NHS: variants seen among roughly 807,000 people sequenced by gnomAD.
The protein encoded by NHS is actin remodeling regulator NHS.
In NHS, 5 loss-of-function variants were observed where a neutral mutation model predicts 72.5. That is an observed-to-expected ratio of 0.07 (90% CI 0.04 to 0.14). The LOEUF (loss-of-function observed/expected upper bound fraction) is 0.14. Ranked by LOEUF, NHS falls within the 10% of genes least tolerant of loss-of-function variation. The pLI is 1.00. For synonymous variants in NHS, 464 were observed against 547.7 expected (o/e 0.85, Z 2.13); for missense variants, 1,072 against 1,355.7 (o/e 0.79, Z 3.29).
intron 1 of NHS, among the ~76,000 whole-genome samples, chrX:17,398,620 T>C (rs1440714277): frequency 1.8e-5 from 2 of 112,381 alleles, no homozygotes; most frequent in African/African-American, 6.5e-5. Context: ...CTTGTTCTTG[T>C]CTGTGATGAG....
chrX:17,569,888 A>T (rs998386445), intron 1 of NHS, among the ~76,000 whole-genome samples: 1 of 112,013 alleles, frequency 8.9e-6, no homozygotes, highest in Non-Finnish European at 1.9e-5. Flanking sequence ...TCTGCATATG[A>T]CTAGCCAGTT....
At chrX:17,690,049 G>A (rs1354742931) in intron 2 of NHS, among the ~76,000 whole-genome samples, 1 of 111,398 alleles carries the variant, frequency 9.0e-6, no homozygotes, top group Non-Finnish European at 1.9e-5. Context: ...CTGGGGTTTG[G>A]AAGGAAGACT....
At chrX:17,603,365 T>C (rs1311647398) in intron 1 of NHS, among the ~76,000 whole-genome samples, 1 of 112,461 alleles carries the variant, frequency 8.9e-6, no homozygotes, top group African/African-American at 3.2e-5. Flanking sequence ...TAAACTACTT[T>C]CCTTCTTTCT....
intron 1 of NHS, among the ~76,000 whole-genome samples, chrX:17,469,438 G>T (rs1423962254): frequency 1.8e-5 from 2 of 111,513 alleles, no homozygotes; most frequent in Admixed American, 9.5e-5. Flanking sequence ...TTCAGGACTG[G>T]AGGAGGCCCC....
intron 3 of NHS, among the ~76,000 whole-genome samples, chrX:17,701,808 A>G (rs1207817098): frequency 9.0e-6 from 1 of 111,188 alleles, no homozygotes; most frequent in Non-Finnish European, 1.9e-5. Flanking sequence ...AGAGAGTCTC[A>G]GGTTATGCTC....
chrX:17,397,489 T>C (rs1245347672), intron 1 of NHS, among the ~76,000 whole-genome samples: 1 of 110,773 alleles, frequency 9.0e-6, no homozygotes, highest in Admixed American at 9.6e-5. Flanking sequence ...AGGGAAAGAG[T>C]ATGGAGAGAG....
At chrX:17,506,060 T>TTC (rs2065056059) in intron 1 of NHS, among the ~76,000 whole-genome samples, 3 of 112,126 alleles carry the variant, frequency 2.7e-5, no homozygotes, top group Non-Finnish European at 3.8e-5. Flanking sequence ...AATCCTCACT[T>TTC]TGTGGATCCC....
At chrX:17,564,941 C>T (rs191719609) in intron 1 of NHS, among the ~76,000 whole-genome samples, 76 of 111,034 alleles carry the variant, frequency 6.8e-4, no homozygotes, top group African/African-American at 2.4e-3. Flanking sequence ...ATTTCTTTCT[C>T]ATCCTGTGGC....
intron 1 of NHS, among the ~76,000 whole-genome samples, chrX:17,666,066 A>G (rs2066011227): frequency 1.8e-5 from 2 of 111,710 alleles, no homozygotes; most frequent in Admixed American, 9.5e-5. Context: ...TGGGATTACC[A>G]ATGGTGTGGG....
At chrX:17,508,306 CTG>C (rs1041394032) in intron 1 of NHS, among the ~76,000 whole-genome samples, 4 of 110,607 alleles carry the variant, frequency 3.6e-5, no homozygotes, top group African/African-American at 1.3e-4. Flanking sequence ...TTTCATATAA[CTG>C]GAATCATACA....
chrX:17,682,459 G>A (rs1029019948), intron 1 of NHS, among the ~76,000 whole-genome samples: 3 of 111,845 alleles, frequency 2.7e-5, no homozygotes, highest in African/African-American at 9.8e-5. Context: ...ATGTGTTGGG[G>A]GTGGCTGTGG....
chrX:17,680,670 C>A (rs2066122206), intron 1 of NHS, among the ~76,000 whole-genome samples: 1 of 111,489 alleles, frequency 9.0e-6, no homozygotes, highest in East Asian at 2.8e-4. Flanking sequence ...GCAGAACGTG[C>A]AGTTTTAAAA....
intron 1 of NHS, among the ~76,000 whole-genome samples, chrX:17,581,216 G>T (rs1270789753): frequency 1.8e-5 from 2 of 111,899 alleles, no homozygotes; most frequent in South Asian, 7.6e-4. Flanking sequence ...ACAGGGCTCA[G>T]GTTAATTCTG....
chrX:17,543,580 A>C (rs2065275532), intron 1 of NHS, among the ~76,000 whole-genome samples: 1 of 112,367 alleles, frequency 8.9e-6, no homozygotes, highest in Non-Finnish European at 1.9e-5. Flanking sequence ...TCTCTTGTAC[A>C]GAGGTCATGC....
intron 1 of NHS, among the ~76,000 whole-genome samples, chrX:17,478,512 C>T (rs2064931325): frequency 9.0e-6 from 1 of 111,729 alleles, no homozygotes; most frequent in African/African-American, 3.3e-5. Context: ...TGCTCTTTTA[C>T]TAGTGTAGTT....
At chrX:17,595,211 G>A (rs1029519807) in intron 1 of NHS, among the ~76,000 whole-genome samples, 4 of 111,770 alleles carry the variant, frequency 3.6e-5, no homozygotes, top group African/African-American at 1.3e-4. Context: ...TAGCTCACCT[G>A]CAAGCTCATT....
chrX:17,604,028 A>G (rs765294848), intron 1 of NHS, among the ~76,000 whole-genome samples: 1 of 111,241 alleles, frequency 9.0e-6, no homozygotes, highest in Admixed American at 9.7e-5. Context: ...CTCATAATAA[A>G]ATATTATTAA....
chrX:17,655,067 A>G lies in NHS; in HGVS notation c.566-32675A>G, dbSNP rs779612495. ...TGTGTCTAGGATGCGAGGTTTCAGC[A>G]TCCGGAGATGAATGGGGGGAGGGGA... On this transcript the variant is annotated intron_variant, in intron 1 of 8. Coordinates refer to ENST00000676302, the MANE Select transcript of NHS (RefSeq NM_001291867.2). Among the ~76,000 whole-genome samples the G allele has an allele frequency of 1.7e-3, 195 of 112,116 alleles. 1 individual carries two copies. Among genetic ancestry groups the G allele is most frequent in the Middle Eastern group, 0.014 (3 of 218 alleles).
chrX:17,691,287 T>TA (rs1461947913), intron 2 of NHS, among the ~76,000 whole-genome samples: 1 of 112,318 alleles, frequency 8.9e-6, no homozygotes, highest in East Asian at 2.8e-4. Flanking sequence ...GTTACCCATT[T>TA]AGAAAAGCCC....
Sources: allele counts gnomAD v4.1 joint callset (sites outside exome capture counted in the v4.1 genomes callset), GRCh38; gene constraint gnomAD v4.1.1; transcripts MANE v1.5; gene names NCBI Gene and HGNC (gene_info 2026-07-23, HGNC 2026-07-21).